The following BAIAP2 variants were observed in gnomAD, a reference collection of about 807,000 sequenced individuals.
BAIAP2 encodes the protein BAR/IMD domain-containing adapter protein 2.
In BAIAP2, 18 loss-of-function variants were observed where a neutral mutation model predicts 63.0. The ratio of observed to expected loss-of-function variants is 0.29; its 90% CI spans 0.20 to 0.42. BAIAP2 has a LOEUF of 0.42. Ranked by LOEUF, BAIAP2 falls within the 10% of genes least tolerant of loss-of-function variation. BAIAP2 has a pLI of 1.00. For synonymous variants in BAIAP2, 386 were observed against 307.6 expected (o/e 1.25, Z -2.67); for missense variants, 610 against 734.3 (o/e 0.83, Z 1.96).
Position 81,038,896 on chromosome 17 carries a change from TG to T in BAIAP2, c.54+3591del, listed in dbSNP as rs780200000. On this transcript the variant is annotated intron_variant, in intron 1 of 13. Coordinates refer to ENST00000428708, the MANE Select transcript of BAIAP2 (RefSeq NM_001144888.2). ...CCTCCTGGCATTGGAGTCGCCTTCC[TG>T]GGTGGGGGGGGCAGCAGACCCGGCA... 6.3e-4 allele frequency among the ~76,000 whole-genome samples: 15 copies of T among 23,724 alleles called. No homozygotes were observed. The East Asian group carries it at 0.01, about 16-fold the overall frequency. The allele number at this position is 23,724 out of a possible 152,430, so 15.6% of individuals were successfully genotyped here.
Position 81,093,428 on chromosome 17 carries a change from G to A in BAIAP2, c.490-6500G>A, listed in dbSNP as rs2057127884. Among the ~76,000 whole-genome samples, 7 of 152,154 alleles carry A rather than the reference G, an allele frequency of 4.6e-5. No individual in the cohort carries two copies. In the South Asian group the frequency reaches 1.4e-3, roughly 31 times the overall value. On this transcript the variant is annotated intron_variant, in intron 6 of 13. Coordinates refer to ENST00000428708, the MANE Select transcript of BAIAP2 (RefSeq NM_001144888.2). ...CAAGGAGAGCCAGGGTTTCTGCTGG[G>A]TTACCTTCCCCTGTTCCCTTTCTGA...
At chr17:81,086,824 G>T (rs1192399788) in intron 6 of BAIAP2, 8 of 501,392 alleles carry the variant, frequency 1.6e-5, no homozygotes, top group Non-Finnish European at 2.9e-5. Flanking sequence ...AAAGGTTCTT[G>T]GCTGAAGGAG....
At chr17:81,067,032 C>T (rs2051601787) in intron 3 of BAIAP2, among the ~76,000 whole-genome samples, 1 of 152,248 alleles carries the variant, frequency 6.6e-6, no homozygotes, top group South Asian at 2.1e-4. Context: ...ACGGAGGTCC[C>T]TGGTTGGTCC....
Position 81,051,522 on chromosome 17 carries a change from C to G in BAIAP2, c.55-2146C>G, listed in dbSNP as rs1257465977. ...TCAAGCGATTCTCCTGCCTCAGGCT[C>G]CCAAGTAGCTGGGATTACAGGCGTC... On this transcript the variant is annotated intron_variant, in intron 1 of 13. Coordinates refer to ENST00000428708, the MANE Select transcript of BAIAP2 (RefSeq NM_001144888.2). 3.9e-5 allele frequency among the ~76,000 whole-genome samples: 6 copies of G among 152,306 alleles called. No homozygotes were observed. The South Asian group carries it at 1.2e-3, about 32-fold the overall frequency.
chr17:81,106,660 G>T, intron 11 of BAIAP2, 85 bp from the exon 12 acceptor site: 1 of 1,530,578 alleles, frequency 6.5e-7, no homozygotes, highest in Non-Finnish European at 9.0e-7. Context: ...GCTAGGTGAG[G>T]GCGGGCAGTC....
rs559573406 is a variant in BAIAP2 at position 81,075,269 on chromosome 17, C to T, written c.218-9563C>T. Among the ~76,000 whole-genome samples, 5 of 152,322 alleles carry T rather than the reference C, an allele frequency of 3.3e-5. No homozygotes were observed. In the East Asian group the frequency reaches 7.7e-4, roughly 23 times the overall value. ...GCATCTTGTGGCACTTCCTTGCTGCCCTCTCTCTTCCGGGACCATCCTCAC... is the reference window on the plus strand; with the variant it reads ...GCATCTTGTGGCACTTCCTTGCTGCTCTCTCTCTTCCGGGACCATCCTCAC... On this transcript the variant is annotated intron_variant, in intron 3 of 13. Coordinates refer to ENST00000428708, the MANE Select transcript of BAIAP2 (RefSeq NM_001144888.2).
In BAIAP2 at chr17:81,046,166, C is replaced by T. The variant is rs550724490; in HGVS notation, c.55-7502C>T. Among the ~76,000 whole-genome samples the T allele has an allele frequency of 1.2e-4, 18 of 152,200 alleles. No individual in the cohort carries two copies. The highest frequency in any genetic ancestry group is 4.1e-4 in the African/African-American group (17 of 41,518). ...ATGGTGTCTCTGCCTGGTTTGTCACCGTCCCCCTTGGGATCCCGTTCTGCA... is the reference window on the plus strand; with the variant it reads ...ATGGTGTCTCTGCCTGGTTTGTCACTGTCCCCCTTGGGATCCCGTTCTGCA... On this transcript the variant is annotated intron_variant, in intron 1 of 13. Coordinates refer to ENST00000428708, the MANE Select transcript of BAIAP2 (RefSeq NM_001144888.2). This position sits in a 1 kb window ranked among gnomAD's most constrained non-coding sequence, Gnocchi z 4.5.
chr17:81,048,605 G>A (rs978151802), intron 1 of BAIAP2, among the ~76,000 whole-genome samples: 4 of 152,140 alleles, frequency 2.6e-5, no homozygotes, highest in African/African-American at 9.7e-5. Flanking sequence ...CTCCAGGCTG[G>A]CCAGCAGTGT....
intron 6 of BAIAP2, among the ~76,000 whole-genome samples, chr17:81,091,420 C>T (rs1046892416): frequency 2.6e-5 from 4 of 152,122 alleles, no homozygotes; most frequent in African/African-American, 9.7e-5. Context: ...GCAGCTGCAC[C>T]CTATGCTGGG....
chr17:81,082,086 C>G (rs1254756048), intron 3 of BAIAP2, among the ~76,000 whole-genome samples: 2 of 152,060 alleles, frequency 1.3e-5, no homozygotes, highest in African/African-American at 2.4e-5. Context: ...CAGCGTGGTC[C>G]TGGAGACTGA....
intron 3 of BAIAP2, among the ~76,000 whole-genome samples, chr17:81,058,640 G>T (rs144077883): frequency 1.3e-5 from 2 of 152,210 alleles, no homozygotes. Context: ...CTCCCAGAGC[G>T]AGCTGTGGCC....
At position 81,106,877 on chromosome 17, in the gene BAIAP2, C is replaced by T; in HGVS notation, c.1470C>T (p.Pro490=). Residue 490 remains proline (P), a synonymous_variant, in exon 12 of 14, where the codon CCC becomes CCT. Coordinates refer to ENST00000428708, the MANE Select transcript of BAIAP2 (RefSeq NM_001144888.2). ...CGGCCAGCGGCTTCAAGCAGAGGCC[C>T]TACAGTGTGGCCGTGCCCGCCTTCT... The part of the protein sequence containing the change: ...AQTASGFKQR[P]YSVAVPAFSQ... 3 of 1,596,040 alleles carry T rather than the reference C, an allele frequency of 1.9e-6. No individual in the cohort carries two copies. The highest frequency in any genetic ancestry group is 2.6e-6 in the Non-Finnish European group (3 of 1,171,636).
At chr17:81,083,869 C>G (rs2055079945) in intron 3 of BAIAP2, 1 of 152,302 alleles carries the variant, frequency 6.6e-6, no homozygotes, top group African/African-American at 2.4e-5. Context: ...GCCTCGGCCC[C>G]TCAGCTCCTC....
At chr17:81,106,937 G>A (rs1175879030) in intron 12 of BAIAP2, 30 bp downstream of exon 12, 1 of 1,477,098 alleles carries the variant, frequency 6.8e-7, no homozygotes, top group African/African-American at 1.4e-5. Flanking sequence ...GCTGGGAGGG[G>A]CCCGCAGGTG....
chr17:81,090,686 A>G (rs969354637), intron 6 of BAIAP2, among the ~76,000 whole-genome samples: 7 of 152,184 alleles, frequency 4.6e-5, no homozygotes, highest in Admixed American at 1.3e-4. Flanking sequence ...CCAGCCCCAC[A>G]TCGGAGTTTG....
In BAIAP2 at chr17:81,062,866, G is replaced by A. The variant is rs370913760; in HGVS notation, c.217+4899G>A. On this transcript the variant is annotated intron_variant, in intron 3 of 13. Transcript: ENST00000428708. ...CCGTCGTCTTCCAGCTCCCACCGCT[G>A]CTGTGTTCAGGGCCACCTTGGTGCT... Among the ~76,000 whole-genome samples the A allele has an allele frequency of 4.6e-5, 7 of 152,158 alleles. No homozygotes were observed. The East Asian group carries it at 7.7e-4, about 17-fold the overall frequency.
At chr17:81,070,040 A>G (rs1469791878) in intron 3 of BAIAP2, among the ~76,000 whole-genome samples, 1 of 152,026 alleles carries the variant, frequency 6.6e-6, no homozygotes, top group Non-Finnish European at 1.5e-5. Context: ...TACATAGCTC[A>G]TTGCAGCCTC....
At chr17:81,104,240 A>G (rs2145915781) in intron 9 of BAIAP2, 132 bp downstream of exon 9, 2 of 1,035,526 alleles carry the variant, frequency 1.9e-6, no homozygotes, top group Admixed American at 2.3e-5. Context: ...GTGTACCTAC[A>G]TGCATGTGGT....
intron 1 of BAIAP2, among the ~76,000 whole-genome samples, chr17:81,052,515 C>G (rs2048833060): frequency 6.6e-6 from 1 of 152,262 alleles, no homozygotes; most frequent in South Asian, 2.1e-4. Flanking sequence ...GTGTACCCGG[C>G]CTGCTGTGAG....
Sources: allele counts gnomAD v4.1 joint callset (sites outside exome capture counted in the v4.1 genomes callset), GRCh38; gene constraint gnomAD v4.1.1; non-coding constraint Gnocchi (gnomAD v3.1); transcripts MANE v1.5; gene names NCBI Gene and HGNC (gene_info 2026-07-23, HGNC 2026-07-21).